EDA2R: variants seen among roughly 807,000 people sequenced by gnomAD.
EDA2R encodes tumor necrosis factor receptor superfamily member 27.
Under a neutral mutation model 20.1 loss-of-function variants are expected in EDA2R, and 26 were observed. The ratio of observed to expected loss-of-function variants is 1.30; its 90% CI spans 0.95 to 1.80. The LOEUF is 1.80. EDA2R is among the 40% of genes most tolerant of loss of function. The pLI is 0.00. For synonymous variants in EDA2R, 114 were observed against 88.7 expected (o/e 1.29, Z -1.60); for missense variants, 277 against 228.7 (o/e 1.21, Z -1.36).
At chrX:66,620,794 T>C (rs1440394569) in intron 1 of EDA2R, among the ~76,000 whole-genome samples, 1 of 109,291 alleles carries the variant, frequency 9.1e-6, no homozygotes, top group Admixed American at 9.8e-5. Context: ...TATAGAAAAC[T>C]CTTGCAACTC....
intron 1 of EDA2R, among the ~76,000 whole-genome samples, chrX:66,622,711 T>C (rs1353274369): frequency 2.7e-5 from 3 of 111,948 alleles, no homozygotes; most frequent in African/African-American, 9.7e-5. Context: ...TACAGTGCCA[T>C]CATTTCCAGA....
intron 1 of EDA2R, among the ~76,000 whole-genome samples, chrX:66,627,872 C>T (rs936139959): frequency 3.6e-5 from 4 of 111,638 alleles, no homozygotes; most frequent in East Asian, 2.8e-4. Context: ...AACCAACAAC[C>T]GCAGAATACA....
At chrX:66,600,370 G>T (rs1928350496) in intron 5 of EDA2R, among the ~76,000 whole-genome samples, 1 of 111,784 alleles carries the variant, frequency 8.9e-6, no homozygotes, top group Non-Finnish European at 1.9e-5. Flanking sequence ...ACTCATCATT[G>T]CTAGTTTTGA....
intron 1 of EDA2R, among the ~76,000 whole-genome samples, chrX:66,635,596 T>C (rs1426280275): frequency 8.9e-6 from 1 of 111,989 alleles, no homozygotes. Context: ...AGGATCCCTC[T>C]TTTTTTTGAC....
At chrX:66,632,771 C>CT (rs1933961929) in intron 1 of EDA2R, among the ~76,000 whole-genome samples, 1 of 111,291 alleles carries the variant, frequency 9.0e-6, no homozygotes, top group Admixed American at 9.5e-5. Context: ...AGTAAATTAT[C>CT]TTTTTGTGTT....
At chrX:66,633,804 G>A (rs781108766) in intron 1 of EDA2R, among the ~76,000 whole-genome samples, 2 of 112,037 alleles carry the variant, frequency 1.8e-5, no homozygotes, top group South Asian at 3.8e-4. Context: ...TTCCCAAGAA[G>A]GCTTTTGGCT....
intron 1 of EDA2R, among the ~76,000 whole-genome samples, chrX:66,628,647 T>C (rs1933381954): frequency 9.3e-6 from 1 of 107,108 alleles, no homozygotes; most frequent in Admixed American, 1.0e-4. Context: ...GGAAGAATTA[T>C]ATATCCTGAA....
chrX:66,614,954 T>C (rs993095479), intron 2 of EDA2R, among the ~76,000 whole-genome samples: 1 of 111,355 alleles, frequency 9.0e-6, no homozygotes, highest in African/African-American at 3.3e-5. Flanking sequence ...TCAAAATGCC[T>C]AGTTCATTTT....
intron 1 of EDA2R, among the ~76,000 whole-genome samples, chrX:66,630,454 C>G (rs981866746): frequency 7.2e-5 from 8 of 111,412 alleles, no homozygotes; most frequent in African/African-American, 2.6e-4. Context: ...TGACAAAGGA[C>G]TAATATCCAG....
rs1392023017 is a variant in EDA2R, at chrX:66,598,088, A to G, written c.*16T>C. ...ACTGGGCAAGGCTGCCAGGGGCCCAAGAGACCTAAGGAGAGAGCAAACCAA... is the reference window on the plus strand; with the variant it reads ...ACTGGGCAAGGCTGCCAGGGGCCCAGGAGACCTAAGGAGAGAGCAAACCAA... On this transcript the variant is annotated 3_prime_UTR_variant, in exon 7 of 7. Transcript: ENST00000374719. 2.1e-6 allele frequency: 2 copies of G among 947,884 alleles called. No homozygotes were observed. The highest frequency in any genetic ancestry group is 1.5e-4 in the East Asian group (2 of 13,064). The allele number at this position is 947,884 out of a possible 1,213,427, so 78.1% of individuals were successfully genotyped here.
chrX:66,613,703 G>A (rs1025491640), intron 2 of EDA2R, among the ~76,000 whole-genome samples: 1 of 111,504 alleles, frequency 9.0e-6, no homozygotes, highest in Non-Finnish European at 1.9e-5. Flanking sequence ...AAATTCAGAA[G>A]TGTTATCTGC....
chrX:66,611,186 C>T (rs1357783175), intron 2 of EDA2R, among the ~76,000 whole-genome samples: 5 of 111,664 alleles, frequency 4.5e-5, no homozygotes, highest in South Asian at 3.7e-4. Context: ...AGCTCACAAA[C>T]GTAGGCCAAA....
At chrX:66,634,869 G>T (rs1239316724) in intron 1 of EDA2R, among the ~76,000 whole-genome samples, 2 of 111,503 alleles carry the variant, frequency 1.8e-5, no homozygotes, top group Non-Finnish European at 3.8e-5. Context: ...ATCCTCAACA[G>T]AAACAATTCC....
chrX:66,631,049 A>G (rs968695924), intron 1 of EDA2R, among the ~76,000 whole-genome samples: 4 of 109,561 alleles, frequency 3.7e-5, no homozygotes, highest in African/African-American at 1.3e-4. Flanking sequence ...GTATATGTAT[A>G]TATACACATA....
intron 2 of EDA2R, among the ~76,000 whole-genome samples, chrX:66,608,537 T>A (rs921173802): frequency 1.8e-5 from 2 of 112,208 alleles, no homozygotes; most frequent in Non-Finnish European, 3.8e-5. Flanking sequence ...GTCAGTGAGA[T>A]GACATATAAG....
chrX:66,598,348 G>C (rs1457895253), intron 6 of EDA2R, among the ~76,000 whole-genome samples: 2 of 111,992 alleles, frequency 1.8e-5, no homozygotes, highest in African/African-American at 6.5e-5. Flanking sequence ...AGGTGGTGTT[G>C]TCTTCAAGCC....
rs931125203 is a variant in EDA2R, at chrX:66,600,045, G to A, written c.518-185C>T. ...AGTTGAGAAACATACTTACATTCAG[G>A]TATCAGATTGAGGCTAGCTGGTACT... is the stretch of plus-strand genomic sequence containing the variant. On this transcript the variant is annotated intron_variant, in intron 5 of 6. Transcript: ENST00000374719. 8 of 1,161,269 alleles carry A rather than the reference G, an allele frequency of 6.9e-6. No homozygotes were observed. In the East Asian group the frequency reaches 1.6e-4, roughly 24 times the overall value.
At chrX:66,610,314 C>G (rs749997126) in intron 2 of EDA2R, among the ~76,000 whole-genome samples, 23 of 109,154 alleles carry the variant, frequency 2.1e-4, no homozygotes, top group African/African-American at 6.8e-4. Flanking sequence ...CACACACACA[C>G]AGATACATAT....
intron 1 of EDA2R, among the ~76,000 whole-genome samples, chrX:66,622,707 G>C (rs909392248): frequency 8.9e-6 from 1 of 111,762 alleles, no homozygotes. Context: ...ACTGTACAGT[G>C]CCATCATTTC....
Sources: allele counts gnomAD v4.1 joint callset (sites outside exome capture counted in the v4.1 genomes callset), GRCh38; gene constraint gnomAD v4.1.1; transcripts MANE v1.5; gene names NCBI Gene and HGNC (gene_info 2026-07-23, HGNC 2026-07-21).